The following ALMS1 variants were observed in gnomAD, a reference collection of about 807,000 sequenced individuals.
ALMS1 encodes centrosome-associated protein ALMS1.
A neutral mutation model predicts 352.2 loss-of-function variants in ALMS1; 271 were observed. The ratio of observed to expected loss-of-function variants is 0.77; its 90% CI spans 0.70 to 0.85. The LOEUF is 0.85. Ranked by LOEUF, ALMS1 falls within the 40% of genes least tolerant of loss-of-function variation. ALMS1 has a pLI of 0.00. For synonymous variants in ALMS1, 1,865 were observed against 1,761.2 expected, an observed-to-expected ratio of 1.06 and a Z score of -1.48; for missense variants, 5,445 against 4,870.7, an observed-to-expected ratio of 1.12 and a Z score of -3.51.
intron 13 of ALMS1, among the ~76,000 whole-genome samples, chr2:73,556,243 TAGG>T (rs1386191572): frequency 6.6e-6 from 1 of 152,058 alleles, no homozygotes; most frequent in East Asian, 1.9e-4. Context: ...GAAAAGAGAT[TAGG>T]AGGATTGAAG....
At chr2:73,430,563 G>A (rs928914223) in intron 6 of ALMS1, among the ~76,000 whole-genome samples, 2 of 152,130 alleles carry the variant, frequency 1.3e-5, no homozygotes, top group African/African-American at 2.4e-5. Flanking sequence ...GCCACATAAT[G>A]ATATTTCAGT....
At chr2:73,414,577 A>T (rs541075689) in intron 2 of ALMS1, among the ~76,000 whole-genome samples, 1 of 149,132 alleles carries the variant, frequency 6.7e-6, no homozygotes, top group East Asian at 2.0e-4. Flanking sequence ...CTTTGAAAGG[A>T]AGTATCACCA....
chr2:73,403,772 T>A (rs1273833384), intron 1 of ALMS1, among the ~76,000 whole-genome samples: 2 of 152,204 alleles, frequency 1.3e-5, no homozygotes, highest in African/African-American at 4.8e-5. Flanking sequence ...AGTCTTTTTA[T>A]TTTGTTTTTT....
intron 9 of ALMS1, chr2:73,459,366 A>G (rs890045543): frequency 6.6e-6 from 1 of 152,204 alleles, no homozygotes; most frequent in African/African-American, 2.4e-5. Context: ...TAATAAGTTA[A>G]TAAATATTAG....
intron 9 of ALMS1, chr2:73,469,623 A>G (rs1672428495): frequency 6.6e-6 from 1 of 151,934 alleles, no homozygotes; most frequent in South Asian, 2.1e-4. Context: ...GCTTCCAAGA[A>G]AAGTACCTGA....
At chr2:73,463,959 T>G (rs1282352414) in intron 9 of ALMS1, among the ~76,000 whole-genome samples, 1 of 152,106 alleles carries the variant, frequency 6.6e-6, no homozygotes, top group Non-Finnish European at 1.5e-5. Flanking sequence ...AATCAATAGC[T>G]TACCAACCAA....
chr2:73,470,716 A>G (rs1672449300), intron 9 of ALMS1: 1 of 151,808 alleles, frequency 6.6e-6, no homozygotes, highest in Admixed American at 6.6e-5. Context: ...GACATCTTCT[A>G]CTGTATTGCT....
At chr2:73,408,330 C>CT (rs1671011573) in intron 1 of ALMS1, among the ~76,000 whole-genome samples, 1 of 152,192 alleles carries the variant, frequency 6.6e-6, no homozygotes, top group Non-Finnish European at 1.5e-5. Flanking sequence ...TGATTTTTAA[C>CT]TGTCTCAACC....
intron 10 of ALMS1, among the ~76,000 whole-genome samples, chr2:73,492,918 A>G (rs1673021952): frequency 6.6e-6 from 1 of 151,736 alleles, no homozygotes; most frequent in Non-Finnish European, 1.5e-5. Flanking sequence ...TTGTATTTTT[A>G]GTAGAGACGA....
At chr2:73,412,583 A>C (rs1268818969) in intron 2 of ALMS1, among the ~76,000 whole-genome samples, 1 of 152,136 alleles carries the variant, frequency 6.6e-6, no homozygotes, top group Admixed American at 6.5e-5. Flanking sequence ...TGAGGTCAGG[A>C]GTTTGAGACC....
At chr2:73,487,566 C>T (rs903729534) in intron 9 of ALMS1, among the ~76,000 whole-genome samples, 1 of 152,154 alleles carries the variant, frequency 6.6e-6, no homozygotes, top group African/African-American at 2.4e-5. Flanking sequence ...CAGCTTGTCT[C>T]TTCTTCTTGT....
intron 2 of ALMS1, among the ~76,000 whole-genome samples, chr2:73,411,151 A>T (rs917290382): frequency 5.3e-5 from 8 of 151,924 alleles, no homozygotes; most frequent in Non-Finnish European, 2.9e-5. Flanking sequence ...TTTGCTCTTA[A>T]TCCAATCTAA....
chr2:73,601,464 G>C, intron 19 of ALMS1, 28 bp downstream of exon 19: 1 of 1,611,322 alleles, frequency 6.2e-7, no homozygotes, highest in Admixed American at 1.7e-5. Flanking sequence ...TAACTTTAAT[G>C]CTACGTGTAG....
intron 2 of ALMS1, among the ~76,000 whole-genome samples, chr2:73,415,493 T>G (rs373069386): frequency 2.0e-5 from 3 of 152,032 alleles, no homozygotes; most frequent in African/African-American, 7.2e-5. Flanking sequence ...AAGATAGAAA[T>G]CTGGTAATGG....
intron 10 of ALMS1, among the ~76,000 whole-genome samples, chr2:73,496,157 G>A (rs1673102288): frequency 6.6e-6 from 1 of 152,086 alleles, no homozygotes; most frequent in South Asian, 2.1e-4. Flanking sequence ...TTCACTTTCT[G>A]TGCTTTACAA....
chr2:73,529,983 C>T (rs953412722), intron 11 of ALMS1, among the ~76,000 whole-genome samples: 30 of 152,154 alleles, frequency 2.0e-4, no homozygotes, highest in African/African-American at 7.0e-4. Flanking sequence ...AATCACCTCC[C>T]ACCAGGTCCC....
rs72911361 is a variant in ALMS1 at position 73,564,064 on chromosome 2, G to A, written c.10384+4922G>A. On this transcript the variant is annotated intron_variant, in intron 15 of 22. Coordinates refer to ENST00000613296, the MANE Select transcript of ALMS1 (RefSeq NM_001378454.1). ...TGGCTGTGTGTGTGTGTCTGTGTGT[G>A]TGCATGCATGCATAAGCCTATATGG... 2.1e-3 allele frequency among the ~76,000 whole-genome samples: 312 copies of A among 151,768 alleles called. 2 individuals are homozygous for A. The highest frequency in any genetic ancestry group is 7.2e-3 in the African/African-American group (296 of 41,368).
intron 6 of ALMS1, among the ~76,000 whole-genome samples, chr2:73,431,439 A>G (rs544744725): frequency 6.6e-6 from 1 of 152,330 alleles, no homozygotes; most frequent in South Asian, 2.1e-4. Context: ...AGGGAAATAA[A>G]GACAATCTAA....
At chr2:73,395,044 GTATATATATATATGTGTATA>G (rs1461178224) in intron 1 of ALMS1, among the ~76,000 whole-genome samples, 46 of 95,204 alleles carry the variant, frequency 4.8e-4, no homozygotes, top group Non-Finnish European at 7.1e-4. Flanking sequence ...ATATGTGTGT[GTATATATATATATGTGTATA>G]TATATATATA....
Sources: gnomAD v4.1 joint callset for allele counts (sites outside exome capture counted in the v4.1 genomes callset) on GRCh38, gnomAD v4.1.1 for gene constraint, MANE v1.5 for transcripts, NCBI Gene and HGNC (gene_info 2026-07-23, HGNC 2026-07-21) for gene names.